HVCN1: variants seen among roughly 807,000 people sequenced by gnomAD.
The protein encoded by HVCN1 is hydrogen voltage gated channel 1.
A neutral mutation model predicts 29.2 loss-of-function variants in HVCN1; 14 were observed. That is an observed-to-expected ratio of 0.48 (90% CI 0.32 to 0.75). The LOEUF is 0.75. HVCN1 is among the 30% of genes least tolerant of loss of function. The pLI, the probability that HVCN1 is intolerant of heterozygous loss-of-function variation, is 0.04. For synonymous variants in HVCN1, 131 were observed against 133.2 expected (o/e 0.98, Z 0.11); for missense variants, 263 against 341.8 (o/e 0.77, Z 1.82).
At chr12:110,697,608 T>C (rs934636245) in intron 2 of HVCN1, among the ~76,000 whole-genome samples, 30 of 151,628 alleles carry the variant, frequency 2.0e-4, no homozygotes, top group African/African-American at 6.8e-4. Flanking sequence ...GAACACCCAT[T>C]GATTCAGTTC....
At position 110,660,327 on chromosome 12, in the gene HVCN1, G is replaced by A. The variant is rs927113429; in HGVS notation, c.306+837C>T. ...ACAGAAAGTTCAGTTCCCTTCGCTC[G>A]TCTGTGAGGACCACCCCAGCTCTGC... is the stretch of plus-strand genomic sequence containing the variant. On this transcript the variant is annotated intron_variant, in intron 4 of 7. Coordinates refer to ENST00000242607, the MANE Select transcript of HVCN1 (RefSeq NM_032369.4). Among the ~76,000 whole-genome samples, 12 of 152,220 alleles carry A rather than the reference G, an allele frequency of 7.9e-5. No homozygotes were observed. The South Asian group carries it at 8.3e-4, about 11-fold the overall frequency.
rs1279532224 is a variant in HVCN1, at chr12:110,649,474, TC to T, written c.757del (p.Glu253AsnfsTer20). ...QHLEFSCSEK[E>X]QEIERLNKLL... ...TTTGTTAAGTCTTTCAATTTCTTGT[TC>T]CTATTGCAAAAGCAGACAAACACTG... On this transcript the variant is annotated frameshift_variant and splice_region_variant, in exon 8 of 8. Transcript: ENST00000242607. LOFTEE classifies it high-confidence loss of function. 6.2e-7 allele frequency: 1 copy of T among 1,600,496 alleles called. No individual in the cohort carries two copies. The highest frequency in any genetic ancestry group is 8.5e-7 in the Non-Finnish European group (1 of 1,170,788).
chr12:110,703,428 TA>T (rs1566074607), intron 1 of HVCN1, among the ~76,000 whole-genome samples: 2 of 151,530 alleles, frequency 1.3e-5, no homozygotes, highest in Non-Finnish European at 2.9e-5. Context: ...AAAAAAAATT[TA>T]AAAAATCATC....
intron 3 of HVCN1, among the ~76,000 whole-genome samples, chr12:110,662,979 A>G (rs2068227543): frequency 6.6e-6 from 1 of 152,260 alleles, no homozygotes; most frequent in African/African-American, 2.4e-5. Context: ...GAAAACTCAA[A>G]TAGCCAAGAT....
intron 5 of HVCN1, among the ~76,000 whole-genome samples, chr12:110,654,205 T>G (rs945843673): frequency 6.6e-6 from 1 of 151,824 alleles, no homozygotes. Flanking sequence ...GAGGCAGAGG[T>G]GGGTGGATCA....
chr12:110,703,134 G>A (rs1018789804), intron 1 of HVCN1, among the ~76,000 whole-genome samples: 1 of 149,396 alleles, frequency 6.7e-6, no homozygotes, highest in Non-Finnish European at 1.5e-5. Context: ...GTGGCTCCCA[G>A]CGCTTTGGGA....
At chr12:110,674,911 T>A (rs2068697995) in intron 3 of HVCN1, among the ~76,000 whole-genome samples, 1 of 149,524 alleles carries the variant, frequency 6.7e-6, no homozygotes, top group Admixed American at 6.6e-5. Flanking sequence ...GTGAATGAAG[T>A]ATTTAGTGGA....
At chr12:110,672,992 T>C (rs950633389) in intron 3 of HVCN1, among the ~76,000 whole-genome samples, 1 of 152,152 alleles carries the variant, frequency 6.6e-6, no homozygotes, top group Non-Finnish European at 1.5e-5. Context: ...GAGTGGGACA[T>C]TGCTGAAAAG....
At chr12:110,674,730 C>T (rs1246007131) in intron 3 of HVCN1, among the ~76,000 whole-genome samples, 1 of 152,196 alleles carries the variant, frequency 6.6e-6, no homozygotes, top group African/African-American at 2.4e-5. Context: ...TTTTCGTCTC[C>T]TGCCATGATT....
chr12:110,655,384 G>A, intron 4 of HVCN1, 46 bp from the exon 5 acceptor site: 1 of 1,407,488 alleles, frequency 7.1e-7, no homozygotes, highest in African/African-American at 1.4e-5. Context: ...CCCCCACAGA[G>A]GCCCTCCCTC....
chr12:110,660,838 C>A (rs1475832160), intron 4 of HVCN1, among the ~76,000 whole-genome samples: 1 of 152,218 alleles, frequency 6.6e-6, no homozygotes, highest in East Asian at 1.9e-4. Flanking sequence ...TTTCAAGGTT[C>A]ATCCACATTG....
In HVCN1 at chr12:110,700,062, G is replaced by A. The variant is rs145701227; in HGVS notation, c.-104+2247C>T. Reference sequence around the variant, plus strand: ...ATAGACACGTGCCGGCCACCTCTCCGAGGAATTGCCCAGAGTGGCCACACG... The same window carrying A: ...ATAGACACGTGCCGGCCACCTCTCCAAGGAATTGCCCAGAGTGGCCACACG... On this transcript the variant is annotated intron_variant, in intron 2 of 4. Coordinates refer to the HVCN1 transcript ENST00000546713. Among the ~76,000 whole-genome samples, 194 of 152,334 alleles carry A rather than the reference G, an allele frequency of 1.3e-3. 1 individual carries two copies. The highest frequency in any genetic ancestry group is 1.1e-3 in the Non-Finnish European group (72 of 68,036).
At chr12:110,667,179 T>C (rs975713322) in intron 3 of HVCN1, among the ~76,000 whole-genome samples, 2 of 152,176 alleles carry the variant, frequency 1.3e-5, no homozygotes, top group Non-Finnish European at 2.9e-5. Flanking sequence ...TTGCTCCCCA[T>C]GCTGGAGTGC....
At chr12:110,682,484 C>A (rs905921562) in intron 3 of HVCN1, among the ~76,000 whole-genome samples, 1 of 152,122 alleles carries the variant, frequency 6.6e-6, no homozygotes, top group Non-Finnish European at 1.5e-5. Flanking sequence ...CAGGCATGAG[C>A]CACCACACCT....
intron 2 of HVCN1, among the ~76,000 whole-genome samples, chr12:110,699,920 A>G (rs982621033): frequency 3.3e-5 from 5 of 152,024 alleles, no homozygotes; most frequent in Non-Finnish European, 5.9e-5. Context: ...CCGTTCCACA[A>G]GGTGGCAGGG....
chr12:110,659,341 C>T (rs914843347), intron 4 of HVCN1, among the ~76,000 whole-genome samples: 1 of 152,034 alleles, frequency 6.6e-6, no homozygotes, highest in African/African-American at 2.4e-5. Context: ...TAATTTTTTT[C>T]TCTTTTACCC....
At chr12:110,700,536 C>G (rs182184712) in intron 2 of HVCN1, among the ~76,000 whole-genome samples, 2 of 152,298 alleles carry the variant, frequency 1.3e-5, no homozygotes, top group African/African-American at 4.8e-5. Flanking sequence ...CTATCTCCAG[C>G]AATGGGGAGT....
rs1045870255 is a variant in HVCN1 at position 110,658,706 on chromosome 12, A to G, written c.306+2458T>C. On this transcript the variant is annotated intron_variant, in intron 4 of 7. Transcript: ENST00000242607. This position sits in a 1 kb window ranked among gnomAD's most constrained non-coding sequence, Gnocchi z 5.0. Reference sequence around the variant, plus strand: ...GGAGGGCTTCTCTCCATTTGTAACCAATGTGTGTCTCAGTGATGGCTCCCG... The same window carrying G: ...GGAGGGCTTCTCTCCATTTGTAACCGATGTGTGTCTCAGTGATGGCTCCCG... 7.9e-5 allele frequency among the ~76,000 whole-genome samples: 12 copies of G among 151,554 alleles called. 1 individual carries two copies. The South Asian group carries it at 2.5e-3, about 32-fold the overall frequency.
chr12:110,673,576 C>G (rs2068651736), intron 3 of HVCN1, among the ~76,000 whole-genome samples: 1 of 152,170 alleles, frequency 6.6e-6, no homozygotes, highest in South Asian at 2.1e-4. Context: ...AGCAGCCCCT[C>G]CCATCACAGA....
Sources: allele counts gnomAD v4.1 joint callset (sites outside exome capture counted in the v4.1 genomes callset), GRCh38; gene constraint gnomAD v4.1.1; non-coding constraint Gnocchi (gnomAD v3.1); transcripts MANE v1.5; gene names NCBI Gene and HGNC (gene_info 2026-07-23, HGNC 2026-07-21).